RBFOX1: variants seen among roughly 807,000 people sequenced by gnomAD.
RBFOX1 encodes the protein RNA binding protein fox-1 homolog 1.
A neutral mutation model predicts 57.7 loss-of-function variants in RBFOX1; 8 were observed. The observed-to-expected ratio is 0.14, with a 90% CI of 0.08 to 0.25. The LOEUF is 0.25. Ranked by LOEUF, RBFOX1 falls within the 10% of genes least tolerant of loss-of-function variation. The pLI is 1.00. For missense variants in RBFOX1, 611 were observed against 548.5 expected, an observed-to-expected ratio of 1.11 and a Z score of -1.14; for synonymous variants, 326 against 222.4, an observed-to-expected ratio of 1.47 and a Z score of -4.15.
At chr16:7,257,280 C>A (rs763832504) in intron 4 of RBFOX1, among the ~76,000 whole-genome samples, 6 of 152,136 alleles carry the variant, frequency 3.9e-5, no homozygotes, top group African/African-American at 7.2e-5. Context: ...GTGAGAGTAT[C>A]ATTTCTTTCC....
chr16:6,684,192 C>T (rs917671166), intron 3 of RBFOX1, among the ~76,000 whole-genome samples: 4 of 152,104 alleles, frequency 2.6e-5, no homozygotes, highest in African/African-American at 9.7e-5. Flanking sequence ...AGGATGTACG[C>T]AAATGTTTAT....
At chr16:7,610,382 T>A (rs1596454773) in intron 10 of RBFOX1, among the ~76,000 whole-genome samples, 1 of 144,790 alleles carries the variant, frequency 6.9e-6, no homozygotes, top group Non-Finnish European at 1.5e-5. Context: ...TGTTTATTTA[T>A]TTTTTTTTTT....
intron 3 of RBFOX1, among the ~76,000 whole-genome samples, chr16:6,749,534 C>G (rs1275575979): frequency 6.6e-6 from 1 of 152,248 alleles, no homozygotes; most frequent in South Asian, 2.1e-4. Flanking sequence ...AACTAACCTG[C>G]CTTTGACTTC....
intron 2 of RBFOX1, among the ~76,000 whole-genome samples, chr16:5,502,943 C>G (rs985481364): frequency 6.6e-6 from 1 of 152,232 alleles, no homozygotes; most frequent in Non-Finnish European, 1.5e-5. Context: ...AAATTCTGAT[C>G]TTGCTACAAC....
chr16:6,659,149 A>G (rs1010587237), intron 3 of RBFOX1, among the ~76,000 whole-genome samples: 7 of 152,034 alleles, frequency 4.6e-5, no homozygotes, highest in African/African-American at 9.7e-5. Context: ...CTGAATTTCA[A>G]TACTATTATA....
chr16:7,084,182 A>G (rs145706249), intron 4 of RBFOX1, among the ~76,000 whole-genome samples: 4 of 152,310 alleles, frequency 2.6e-5, no homozygotes, highest in African/African-American at 7.2e-5. Flanking sequence ...TTCAGGTCCA[A>G]AGGCATTCAG....
At chr16:5,635,087 T>G (rs1319462974) in intron 3 of RBFOX1, among the ~76,000 whole-genome samples, 2 of 152,152 alleles carry the variant, frequency 1.3e-5, no homozygotes, top group East Asian at 3.9e-4. Flanking sequence ...CAGCCCCAAA[T>G]GGGAACTAAT....
intron 4 of RBFOX1, among the ~76,000 whole-genome samples, chr16:5,885,337 A>G (rs1474905733): frequency 6.6e-6 from 1 of 151,014 alleles, no homozygotes; most frequent in African/African-American, 2.4e-5. Context: ...AAAAAAAAAA[A>G]CTCCAAATAC....
At position 7,332,773 on chromosome 16, in the gene RBFOX1, C is replaced by T; in HGVS notation, c.28-185374C>T. On this transcript the variant is annotated intron_variant, in intron 4 of 15. Coordinates refer to ENST00000550418, the MANE Select transcript of RBFOX1 (RefSeq NM_018723.4). ...GCACCTTCCATTTTGGTAGCTTCAACTTTGCAGCTGCTGTGTCTCTTCGTC... is the reference window on the plus strand; with the variant it reads ...GCACCTTCCATTTTGGTAGCTTCAATTTTGCAGCTGCTGTGTCTCTTCGTC... 2.2e-6 allele frequency: 3 copies of T among 1,383,504 alleles called. No individual in the cohort carries two copies. In the South Asian group the frequency reaches 5.3e-5, roughly 24 times the overall value. 85.7% of individuals were successfully genotyped at this position (1,383,504 alleles called of 1,614,324 possible). A position where few individuals can be genotyped will look rare whatever the true frequency, so the allele number is the denominator to read the frequency against.
At chr16:6,251,379 T>C (rs2097610058) in intron 1 of RBFOX1, among the ~76,000 whole-genome samples, 1 of 152,074 alleles carries the variant, frequency 6.6e-6, no homozygotes, top group South Asian at 2.1e-4. Context: ...AGGGGTTAAG[T>C]CACCTGCCCA....
intron 3 of RBFOX1, among the ~76,000 whole-genome samples, chr16:7,038,942 T>C (rs2045333668): frequency 6.6e-6 from 1 of 152,210 alleles, no homozygotes; most frequent in Admixed American, 6.5e-5. Context: ...GACATCCCTT[T>C]AATCAGATAA....
intron 4 of RBFOX1, among the ~76,000 whole-genome samples, chr16:7,180,075 C>G (rs1220172783): frequency 1.3e-5 from 2 of 152,046 alleles, no homozygotes; most frequent in Non-Finnish European, 2.9e-5. Flanking sequence ...GCCTGCTTTT[C>G]TCAGAGAAAA....
At chr16:6,527,815 G>C (rs571608999) in intron 2 of RBFOX1, among the ~76,000 whole-genome samples, 4 of 152,086 alleles carry the variant, frequency 2.6e-5, no homozygotes, top group Non-Finnish European at 4.4e-5. Flanking sequence ...GGGTAGGGAC[G>C]TGTGGATGCA....
At chr16:7,160,027 T>C (rs72765539) in intron 4 of RBFOX1, among the ~76,000 whole-genome samples, 2,393 of 152,284 alleles carry the variant, frequency 0.016, 33 homozygotes, top group Non-Finnish European at 0.022. Context: ...CTAAGCATTA[T>C]CTGTGCAACT....
At chr16:6,875,500 A>G (rs1328132267) in intron 3 of RBFOX1, among the ~76,000 whole-genome samples, 1 of 152,316 alleles carries the variant, frequency 6.6e-6, no homozygotes, top group Non-Finnish European at 1.5e-5. Flanking sequence ...TAAGTGCAGT[A>G]TACATCAATT....
At chr16:6,516,550 T>A (rs972099670) in intron 2 of RBFOX1, among the ~76,000 whole-genome samples, 1 of 152,206 alleles carries the variant, frequency 6.6e-6, no homozygotes, top group Non-Finnish European at 1.5e-5. Flanking sequence ...TAATTTTTTA[T>A]AACCCTAGCA....
intron 1 of RBFOX1, among the ~76,000 whole-genome samples, chr16:6,310,250 C>A (rs568779966): frequency 4.5e-4 from 68 of 152,280 alleles, no homozygotes; most frequent in Non-Finnish European, 8.4e-4. Context: ...AATTGTATTT[C>A]ATCAGTAAGA....
rs758401014 is a variant in RBFOX1, at chr16:5,567,434, G to A, written c.259-31468G>A. Among the ~76,000 whole-genome samples the A allele has an allele frequency of 1.8e-4, 28 of 152,256 alleles. No homozygotes were observed. The Middle Eastern group carries it at 0.01, about 55-fold the overall frequency. On this transcript the variant is annotated intron_variant, in intron 2 of 2. Coordinates refer to the RBFOX1 transcript ENST00000585867. ...ACAGCCAATCTCTCTGGGTAGATGA[G>A]TAGCCGTATAATCTCCACTTTACAG...
intron 4 of RBFOX1, among the ~76,000 whole-genome samples, chr16:7,417,415 C>A (rs956546165): frequency 6.6e-6 from 1 of 151,052 alleles, no homozygotes; most frequent in Admixed American, 6.6e-5. Flanking sequence ...TCCTGTTCCC[C>A]CAGTTTCCCC....
Sources: allele counts gnomAD v4.1 joint callset (sites outside exome capture counted in the v4.1 genomes callset), GRCh38; gene constraint gnomAD v4.1.1; transcripts MANE v1.5; gene names NCBI Gene and HGNC (gene_info 2026-07-23, HGNC 2026-07-21).